The following OSTF1 variants were observed in gnomAD, a reference collection of about 807,000 sequenced individuals.
OSTF1 encodes osteoclast stimulating factor 1, also known as osteoclast-stimulating factor 1.
OSTF1 carries 27 observed loss-of-function variants against 37.2 expected under a neutral mutation model. The observed-to-expected ratio is 0.73, with a 90% CI of 0.54 to 1.00. The LOEUF is 1.00. Among genes scored for constraint, OSTF1 ranks in the 50% least tolerant of loss-of-function variants. The probability of loss-of-function intolerance (pLI) is 0.00; values close to 1 mark genes in which losing one functional copy is unlikely to be tolerated. For missense variants in OSTF1, 232 were observed against 253.8 expected (o/e 0.91, Z 0.58); for synonymous variants, 82 against 89.2 (o/e 0.92, Z 0.46).
chr9:75,138,920 A>G (rs1251836111), intron 8 of OSTF1, among the ~76,000 whole-genome samples: 1 of 152,054 alleles, frequency 6.6e-6, no homozygotes, highest in Non-Finnish European at 1.5e-5. Context: ...TGTGAATAGA[A>G]TGATCTGCTT....
chr9:75,107,824 A>G (rs1825315849), intron 1 of OSTF1, among the ~76,000 whole-genome samples: 1 of 152,208 alleles, frequency 6.6e-6, no homozygotes, highest in African/African-American at 2.4e-5. Context: ...TATTTGGCAC[A>G]CCAAGACTTC....
intron 1 of OSTF1, among the ~76,000 whole-genome samples, chr9:75,090,843 C>T (rs1361367549): frequency 2.0e-5 from 3 of 152,104 alleles, no homozygotes; most frequent in East Asian, 3.8e-4. Context: ...AATGTCCTAT[C>T]GTAGTACTGT....
intron 4 of OSTF1, 24 bp downstream of exon 4, chr9:75,130,665 C>G: frequency 6.4e-7 from 1 of 1,554,894 alleles, no homozygotes; most frequent in Non-Finnish European, 8.9e-7. Context: ...AGTGGTTTTA[C>G]TTTAGCTTCG....
intron 1 of OSTF1, among the ~76,000 whole-genome samples, chr9:75,113,181 G>T (rs1825421935): frequency 6.6e-6 from 1 of 152,096 alleles, no homozygotes; most frequent in Non-Finnish European, 1.5e-5. Context: ...ATGTTTAGAA[G>T]AATGATTCCT....
chr9:75,114,153 T>TTG (rs60557033), intron 1 of OSTF1, among the ~76,000 whole-genome samples: 14,987 of 150,536 alleles, frequency 0.1, 794 homozygotes, highest in African/African-American at 0.14. Flanking sequence ...TAGTATTCTA[T>TTG]TGTGTGTGTG....
intron 1 of OSTF1, among the ~76,000 whole-genome samples, chr9:75,100,867 G>A (rs903600645): frequency 4.6e-5 from 7 of 152,158 alleles, no homozygotes; most frequent in Non-Finnish European, 8.8e-5. Context: ...GTGAAAGGGG[G>A]ATTTCGGCGA....
chr9:75,125,442 A>G (rs1825646477), intron 2 of OSTF1, among the ~76,000 whole-genome samples: 1 of 152,180 alleles, frequency 6.6e-6, no homozygotes, highest in Non-Finnish European at 1.5e-5. Context: ...GTGGTCATTA[A>G]CTTCTTTTTT....
At chr9:75,121,527 C>T (rs1295978973) in intron 2 of OSTF1, among the ~76,000 whole-genome samples, 1 of 152,210 alleles carries the variant, frequency 6.6e-6, no homozygotes, top group Non-Finnish European at 1.5e-5. Context: ...TATTTCTCCC[C>T]TGTTCAGCTC....
At chr9:75,135,095 G>A (rs956007941) in intron 7 of OSTF1, among the ~76,000 whole-genome samples, 16 of 152,178 alleles carry the variant, frequency 1.1e-4, no homozygotes, top group African/African-American at 3.1e-4. Flanking sequence ...AACCCCTTCC[G>A]TTCTCTGCCA....
intron 5 of OSTF1, 21 bp from the exon 6 acceptor site, chr9:75,133,273 G>A (rs1825793380): frequency 7.0e-7 from 1 of 1,425,468 alleles, no homozygotes; most frequent in South Asian, 1.2e-5. Context: ...TTGTGTTCTT[G>A]TAAATGTAAA....
intron 1 of OSTF1, among the ~76,000 whole-genome samples, chr9:75,113,819 T>C (rs1825434489): frequency 6.6e-6 from 1 of 152,204 alleles, no homozygotes; most frequent in Admixed American, 6.5e-5. Flanking sequence ...TCAAATCTAC[T>C]CTCAGCATTT....
At chr9:75,099,686 G>A (rs566008648) in intron 1 of OSTF1, among the ~76,000 whole-genome samples, 4 of 152,294 alleles carry the variant, frequency 2.6e-5, no homozygotes, top group East Asian at 3.9e-4. Context: ...CAAATTAGCC[G>A]GGTGTGGTGA....
chr9:75,119,580 G>A (rs2118525128), intron 2 of OSTF1, among the ~76,000 whole-genome samples: 1 of 152,280 alleles, frequency 6.6e-6, no homozygotes, highest in South Asian at 2.1e-4. Flanking sequence ...TTCTTCTGAG[G>A]CCTTGCTTCT....
At chr9:75,094,245 G>A (rs1028034866) in intron 1 of OSTF1, among the ~76,000 whole-genome samples, 3 of 152,070 alleles carry the variant, frequency 2.0e-5, no homozygotes, top group African/African-American at 4.8e-5. Flanking sequence ...CAATGGATCC[G>A]TATTAGAGCA....
intron 2 of OSTF1, among the ~76,000 whole-genome samples, chr9:75,125,104 CTCT>C (rs1158180892): frequency 8.5e-5 from 13 of 152,178 alleles, no homozygotes; most frequent in African/African-American, 2.7e-4. Context: ...TTTCCTGACA[CTCT>C]TCTTCTTCCT....
At position 75,133,401 on chromosome 9, in the gene OSTF1, G is replaced by A; in HGVS notation, c.358G>A (p.Asp120Asn). The change falls in exon 6 of 10, where the codon GAT becomes AAT. Residue 120 changes from aspartate (D) to asparagine (N), a missense_variant and splice_region_variant. Asp to Asn is a conservative substitution (Grantham distance 23, BLOSUM62 1). Transcript: ENST00000346234. The part of the protein sequence containing the change: ...LYWACHGGHK[D>N]IVEMLFTQPN... Reference sequence around the variant, plus strand: ...CTGGGCTTGCCACGGGGGCCACAAAGGTATTACATTTTGTTTGTTATATGT... The same window carrying A: ...CTGGGCTTGCCACGGGGGCCACAAAAGTATTACATTTTGTTTGTTATATGT... 1 of 1,572,282 alleles carries A rather than the reference G, an allele frequency of 6.4e-7. No homozygotes were observed. Among genetic ancestry groups the A allele is most frequent in the Non-Finnish European group, 8.7e-7 (1 of 1,144,210 alleles).
chr9:75,101,329 C>A (rs186120622), intron 1 of OSTF1, among the ~76,000 whole-genome samples: 9 of 152,278 alleles, frequency 5.9e-5, no homozygotes, highest in African/African-American at 2.2e-4. Context: ...ACAACACCAA[C>A]CTTTTGAAGT....
At chr9:75,127,489 A>C in intron 2 of OSTF1, 80 bp from the exon 3 acceptor site, 1 of 761,306 alleles carries the variant, frequency 1.3e-6, no homozygotes. Context: ...TTATTAGAAT[A>C]TGATAGAATT....
chr9:75,110,035 C>T (rs1202629469), intron 1 of OSTF1, among the ~76,000 whole-genome samples: 1 of 152,186 alleles, frequency 6.6e-6, no homozygotes, highest in Non-Finnish European at 1.5e-5. Context: ...ATACAGCATT[C>T]TTAAAAAGAC....
Sources: allele counts gnomAD v4.1 joint callset (sites outside exome capture counted in the v4.1 genomes callset), GRCh38; gene constraint gnomAD v4.1.1; transcripts MANE v1.5; gene names NCBI Gene and HGNC (gene_info 2026-07-23, HGNC 2026-07-21).